Variants in MAP4K2 observed in about 807,000 individuals in gnomAD.
MAP4K2 encodes the protein B lymphocyte serine/threonine protein kinase.
MAP4K2 carries 85 observed loss-of-function variants against 125.3 expected under a neutral mutation model. The observed-to-expected ratio is 0.68, with a 90% CI of 0.57 to 0.81. The LOEUF is 0.81. Among genes scored for constraint, MAP4K2 ranks in the 40% least tolerant of loss-of-function variants. MAP4K2 has a pLI of 0.00. For synonymous variants in MAP4K2, 479 were observed against 445.1 expected, an observed-to-expected ratio of 1.08 and a Z score of -0.96; for missense variants, 923 against 1,056.4, an observed-to-expected ratio of 0.87 and a Z score of 1.75.
At chr11:64,797,449 G>C (rs367746592) in intron 17 of MAP4K2, 52 bp downstream of exon 17, 1 of 1,557,476 alleles carries the variant, frequency 6.4e-7, no homozygotes, top group Non-Finnish European at 8.7e-7. Context: ...CACTCCAATC[G>C]TACCCTCTGC....
Position 64,801,733 on chromosome 11 carries a change from CCT to C in MAP4K2, c.389_390del (p.Gln130ArgfsTer24), listed in dbSNP as rs767269985. 3 of 1,613,734 alleles carry C rather than the reference CCT, an allele frequency of 1.9e-6. No homozygotes were observed. The highest frequency in any genetic ancestry group is 1.7e-5 in the Admixed American group (1 of 60,016). ...ACCTTGATGTCTCTGTGGATCTTCC[CCT>C]GAGAATGCAGGTGGTGGAGCCCCTG... ...ALKGLHHLHS[Q>X]GKIHRDIKGA... On this transcript the variant is annotated frameshift_variant, in exon 6 of 32. Transcript: ENST00000294066. LOFTEE classifies it high-confidence loss of function.
chr11:64,800,767 C>G lies in MAP4K2; in HGVS notation c.722G>C (p.Arg241Pro). 1 of 1,603,994 alleles carries G rather than the reference C, an allele frequency of 6.2e-7. No homozygotes were observed. The highest frequency in any genetic ancestry group is 8.5e-7 in the Non-Finnish European group (1 of 1,175,308). ...GGCAGCAGGGTGTGGCCCTTACCAG[C>G]GAGTCTTATCTCTCAGTTTGGGCGG... ...FQPPKLRDKT[R>P]WTQNFHHFLK... Residue 241 changes from arginine to proline, a missense_variant, in exon 10 of 32, where the codon CGC becomes CCC. Around this residue, in one of 2 missense-constraint regions of MAP4K2, gnomAD observed 833 missense variants for 911.4 expected, o/e 0.91. Coordinates refer to ENST00000294066, the MANE Select transcript of MAP4K2 (RefSeq NM_004579.5).
intron 24 of MAP4K2, 68 bp downstream of exon 24, chr11:64,796,205 G>T: frequency 7.2e-7 from 1 of 1,382,744 alleles, no homozygotes; most frequent in Non-Finnish European, 9.8e-7. Context: ...CCAGGAACTG[G>T]CAAGGCCATG....
chr11:64,789,635 G>C lies in MAP4K2; in HGVS notation c.2376-11C>G, dbSNP rs1565606901. Reference sequence around the variant, plus strand: ...TCCAGGATGATGTCTCTGGAGGAGAGAGGAGTAGGGGGCAGGGCGGGAGAC... The same window carrying C: ...TCCAGGATGATGTCTCTGGAGGAGACAGGAGTAGGGGGCAGGGCGGGAGAC... On this transcript the variant is annotated splice_polypyrimidine_tract_variant and intron_variant, in intron 31 of 31. Transcript: ENST00000294066. The C allele has an allele frequency of 2.5e-6, 4 of 1,611,210 alleles. No homozygotes were observed. The highest frequency in any genetic ancestry group is 3.4e-6 in the Non-Finnish European group (4 of 1,178,668).
rs1210783039 is a variant in MAP4K2 at position 64,790,455 on chromosome 11, G to A, written c.2100C>T (p.Ile700=). 6.2e-7 allele frequency: 1 copy of A among 1,613,836 alleles called. No homozygotes were observed. Among genetic ancestry groups the A allele is most frequent in the African/African-American group, 1.3e-5 (1 of 74,900 alleles). ...GGATCACCTGCTGGGCCGAGCCTGGGATCCCCTCTGCAGGCAGAGAAGAGA... is the reference window on the plus strand; with the variant it reads ...GGATCACCTGCTGGGCCGAGCCTGGAATCCCCTCTGCAGGCAGAGAAGAGA... ...TPDILIPPEG[I]PGSAQQVIQV... is the part of the protein sequence containing the mutation. Residue 700 remains isoleucine, a synonymous_variant, in exon 28 of 32, where the codon ATC becomes ATT. Coordinates refer to ENST00000294066, the MANE Select transcript of MAP4K2 (RefSeq NM_004579.5).
At chr11:64,795,745 G>A (rs1243886529) in intron 24 of MAP4K2, among the ~76,000 whole-genome samples, 1 of 152,100 alleles carries the variant, frequency 6.6e-6, no homozygotes, top group Non-Finnish European at 1.5e-5. Flanking sequence ...GTGTTTTCAG[G>A]CTGATTTCAA....
chr11:64,799,310 G>T, intron 14 of MAP4K2, 111 bp downstream of exon 14: 4 of 1,356,980 alleles, frequency 2.9e-6, no homozygotes, highest in Non-Finnish European at 4.1e-6. Context: ...AAGGCCCAAG[G>T]CCCGAGGCCA....
chr11:64,802,431 C>A lies in MAP4K2; in HGVS notation c.298G>T (p.Glu100Ter). The A allele has an allele frequency of 6.7e-7, 1 of 1,496,892 alleles. No homozygotes were observed. Among genetic ancestry groups the A allele is most frequent in the East Asian group, 2.4e-5 (1 of 41,972 alleles). 92.7% of individuals were successfully genotyped at this position (1,496,892 alleles called of 1,614,324 possible). A position where few individuals can be genotyped will look rare whatever the true frequency, so the allele number is the denominator to read the frequency against. ...MEFCGGGSLQ[E>*]IYHATGPLEE... ...GCCCTGGCCTCACCATGGTAAATCT[C>A]CTGCAGGGAGCCCCCTCCGCAGAAC... Residue 100 changes from glutamate (E) to a stop codon, truncating the protein, a stop_gained, in exon 4 of 32, where the codon GAG (glutamate) becomes TAG (stop). Coordinates refer to ENST00000294066, the MANE Select transcript of MAP4K2 (RefSeq NM_004579.5). LOFTEE classifies it high-confidence loss of function.
intron 12 of MAP4K2, 124 bp from the exon 13 acceptor site, chr11:64,799,807 TA>T (rs752579407): frequency 1.4e-6 from 1 of 737,670 alleles, no homozygotes; most frequent in Admixed American, 2.4e-5. Flanking sequence ...TACTGTAAAA[TA>T]AAATGGAACC....
At chr11:64,796,091 G>C (rs1305127402) in intron 24 of MAP4K2, among the ~76,000 whole-genome samples, 182 bp downstream of exon 24, 1 of 152,178 alleles carries the variant, frequency 6.6e-6, no homozygotes, top group African/African-American at 2.4e-5. Context: ...TCTCCTTCTT[G>C]CCTCCCAACA....
intron 6 of MAP4K2, 43 bp from the exon 7 acceptor site, chr11:64,801,664 G>T (rs761412836): frequency 6.2e-7 from 1 of 1,613,866 alleles, no homozygotes; most frequent in Non-Finnish European, 8.5e-7. Context: ...GTGCCCCCGA[G>T]GGCCTCCTCC....
intron 4 of MAP4K2, 81 bp from the exon 5 acceptor site, chr11:64,802,202 G>T: frequency 7.3e-7 from 1 of 1,361,484 alleles, no homozygotes; most frequent in Non-Finnish European, 1.0e-6. Flanking sequence ...GGGAAAAGCA[G>T]CAGGCACTGT....
Position 64,799,454 on chromosome 11 carries a change from TG to T in MAP4K2, c.1019del (p.Pro340HisfsTer9). On this transcript the variant is annotated frameshift_variant, in exon 14 of 32. Coordinates refer to ENST00000294066, the MANE Select transcript of MAP4K2 (RefSeq NM_004579.5). LOFTEE classifies it high-confidence loss of function. ...TCAGTGGGTCAGTTTCCTTCCTGCGTGGGGCGCCAAATTTCACCTGGTGAAC... is the reference window on the plus strand; with the variant it reads ...TCAGTGGGTCAGTTTCCTTCCTGCGTGGGCGCCAAATTTCACCTGGTGAAC... ...IQFHQVKFGA[P>X]RRKETDPLNE... The T allele has an allele frequency of 6.2e-7, 1 of 1,611,750 alleles. No individual in the cohort carries two copies. The highest frequency in any genetic ancestry group is 8.5e-7 in the Non-Finnish European group (1 of 1,179,324).
chr11:64,796,521 G>T lies in MAP4K2; in HGVS notation c.1605C>A (p.Cys535Ter), dbSNP rs570019033. ...LISHRCSWLY[C>*]VNNVLLSLSG... is the part of the protein sequence containing the mutation. ...AGAGTGACAGCAGCACGTTGTTCACGCAGTAGAGCCAGGAGCAGCGATGTG... is the reference window on the plus strand; with the variant it reads ...AGAGTGACAGCAGCACGTTGTTCACTCAGTAGAGCCAGGAGCAGCGATGTG... Residue 535 changes from cysteine to a stop codon, truncating the protein, a stop_gained, in exon 23 of 32, where the codon TGC (cysteine) becomes TGA (stop). Transcript: ENST00000294066. LOFTEE classifies it high-confidence loss of function. 6.2e-7 allele frequency: 1 copy of T among 1,613,798 alleles called. No individual in the cohort carries two copies. Among genetic ancestry groups the T allele is most frequent in the Non-Finnish European group, 8.5e-7 (1 of 1,180,050 alleles).
In MAP4K2 at chr11:64,796,657, G is replaced by A; in HGVS notation, c.1549C>T (p.Leu517=). The change falls in exon 22 of 32, where the codon CTG becomes TTG. Residue 517 remains leucine, a synonymous_variant. Coordinates refer to ENST00000294066, the MANE Select transcript of MAP4K2 (RefSeq NM_004579.5). ...ACCTTCTCCAGCGTATCCTCATGCA[G>A]TTCATGCAGGTTGAGTGTGTAGATG... ...EGIYTLNLHE[L]HEDTLEKLIS... The A allele has an allele frequency of 6.2e-7, 1 of 1,614,094 alleles. No individual in the cohort carries two copies. Among genetic ancestry groups the A allele is most frequent in the Non-Finnish European group, 8.5e-7 (1 of 1,180,036 alleles).
At position 64,796,683 on chromosome 11, in the gene MAP4K2, C is replaced by T. The variant is rs1302529106; in HGVS notation, c.1523G>A (p.Gly508Asp). ...DQFLVVGAEE[G>D]IYTLNLHELH... ...TTCATGCAGGTTGAGTGTGTAGATG[C>T]CTTCCTCGGCCCCTACCACCAGGAA... Residue 508 changes from glycine (G) to aspartate (D), a missense_variant, in exon 22 of 32, where the codon GGC becomes GAC. By Grantham distance (94) the Gly-to-Asp change is moderately conservative (BLOSUM62 -1). Coordinates refer to ENST00000294066, the MANE Select transcript of MAP4K2 (RefSeq NM_004579.5). 9 of 1,613,530 alleles carry T rather than the reference C, an allele frequency of 5.6e-6. No individual in the cohort carries two copies. The highest frequency in any genetic ancestry group is 7.6e-6 in the Non-Finnish European group (9 of 1,179,912).
At position 64,797,177 on chromosome 11, in the gene MAP4K2, G is replaced by A; in HGVS notation, c.1292C>T (p.Pro431Leu). The change falls in exon 19 of 32, where the codon CCT (proline) becomes CTT (leucine). Residue 431 changes from proline (P) to leucine (L), a missense_variant. Transcript: ENST00000294066. ...TGGGGAGCTGTTGGGGCCTGAAGGA[G>A]GTGGGGGCAGGGTTCCTGCAGGCAC... ...LSSPPGTLPPPPSGPNSSPLL... is the reference protein window; with the variant it reads ...LSSPPGTLPPLPSGPNSSPLL... 6.2e-7 allele frequency: 1 copy of A among 1,613,756 alleles called. No individual in the cohort carries two copies. Among genetic ancestry groups the A allele is most frequent in the Non-Finnish European group, 8.5e-7 (1 of 1,179,874 alleles).
rs963738214 is a variant in MAP4K2, at chr11:64,789,468, C to G, written c.*69G>C. 7.0e-7 allele frequency: 1 copy of G among 1,424,484 alleles called. No homozygotes were observed. The highest frequency in any genetic ancestry group is 2.0e-5 in the Admixed American group (1 of 50,770). 88.2% of individuals were successfully genotyped at this position (1,424,484 alleles called of 1,614,324 possible). On this transcript the variant is annotated 3_prime_UTR_variant, in exon 32 of 32. Coordinates refer to ENST00000294066, the MANE Select transcript of MAP4K2 (RefSeq NM_004579.5). ...GGCTCCTCTGGTCTAGGATGGGCCCCTTTGCCCAAAAGGGCCTGCAGCTAA... is the reference window on the plus strand; with the variant it reads ...GGCTCCTCTGGTCTAGGATGGGCCCGTTTGCCCAAAAGGGCCTGCAGCTAA...
chr11:64,792,331 G>GGCCCCC, intron 25 of MAP4K2, 33 bp downstream of exon 25: 94 of 1,535,150 alleles, frequency 6.1e-5, no homozygotes, highest in Non-Finnish European at 6.9e-5. Context: ...CCCCCACCAG[G>GGCCCCC]CCCCGCCCCA....
Sources: gnomAD v4.1 joint callset for allele counts (sites outside exome capture counted in the v4.1 genomes callset) on GRCh38, gnomAD v4.1.1 for gene constraint, gnomAD v4.1.1 regional missense constraint, MANE v1.5 for transcripts, NCBI Gene and HGNC (gene_info 2026-07-23, HGNC 2026-07-21) for gene names.